ZNF516: variants seen among roughly 807,000 people sequenced by gnomAD.
The protein encoded by ZNF516 is zinc finger protein 516.
ZNF516 carries 19 observed loss-of-function variants against 79.7 expected under a neutral mutation model. That is an observed-to-expected ratio of 0.24 (90% CI 0.17 to 0.35). The LOEUF (loss-of-function observed/expected upper bound fraction) is 0.35, where lower values mean the gene tolerates loss of function less well. Among genes scored for constraint, ZNF516 ranks in the 10% least tolerant of loss-of-function variants. The pLI, the probability that ZNF516 is intolerant of heterozygous loss-of-function variation, is 1.00. For missense variants in ZNF516, 1,678 were observed against 1,679.5 expected (o/e 1.00, Z 0.02); for synonymous variants, 877 against 739.5 (o/e 1.19, Z -3.02).
At chr18:76,484,602 T>G (rs1164163329) in intron 1 of ZNF516, among the ~76,000 whole-genome samples, 2 of 152,174 alleles carry the variant, frequency 1.3e-5, no homozygotes, top group Admixed American at 1.3e-4. Context: ...CTTTCCAAAA[T>G]GGTCTACTAT....
intron 4 of ZNF516, among the ~76,000 whole-genome samples, chr18:76,375,294 T>G (rs755291683): frequency 3.3e-5 from 5 of 151,982 alleles, no homozygotes; most frequent in Non-Finnish European, 7.4e-5. Context: ...GTGAAGGTCC[T>G]GGACACCAGG....
intron 1 of ZNF516, among the ~76,000 whole-genome samples, chr18:76,472,199 T>A (rs910671036): frequency 2.6e-5 from 4 of 152,172 alleles, no homozygotes; most frequent in Admixed American, 2.6e-4. Flanking sequence ...TGAGGGACCC[T>A]CCACAACATC....
intron 1 of ZNF516, among the ~76,000 whole-genome samples, chr18:76,464,265 G>A (rs1291955487): frequency 1.3e-5 from 2 of 152,258 alleles, no homozygotes; most frequent in East Asian, 1.9e-4. Flanking sequence ...CCAGTCACTC[G>A]GGAGGCTGAG....
At chr18:76,367,690 T>C (rs572031282) in intron 6 of ZNF516, among the ~76,000 whole-genome samples, 1 of 152,320 alleles carries the variant, frequency 6.6e-6, no homozygotes, top group African/African-American at 2.4e-5. Context: ...CAGCGCTGCC[T>C]TGCTCTGCCC....
At chr18:76,395,206 C>A (rs1202854875) in intron 3 of ZNF516, among the ~76,000 whole-genome samples, 1 of 152,192 alleles carries the variant, frequency 6.6e-6, no homozygotes, top group African/African-American at 2.4e-5. Flanking sequence ...GGGTTTCCCA[C>A]ACAGGCACTC....
At chr18:76,450,723 C>G (rs532642915) in intron 2 of ZNF516, among the ~76,000 whole-genome samples, 2 of 152,270 alleles carry the variant, frequency 1.3e-5, no homozygotes, top group African/African-American at 4.8e-5. Context: ...TGCAGGTTTC[C>G]TCTTCCTTAT....
intron 3 of ZNF516, chr18:76,388,833 T>C (rs2075028546): frequency 6.6e-6 from 1 of 152,244 alleles, no homozygotes; most frequent in African/African-American, 2.4e-5. Context: ...AGAAGCATCC[T>C]CAGCAACAGC....
chr18:76,480,524 CAT>C (rs1555720224), intron 1 of ZNF516, among the ~76,000 whole-genome samples: 3 of 116,466 alleles, frequency 2.6e-5, no homozygotes, highest in African/African-American at 7.0e-5. Flanking sequence ...CACACACACA[CAT>C]ATATTTTTTT....
chr18:76,365,534 T>C (rs2074600105), intron 6 of ZNF516, among the ~76,000 whole-genome samples: 1 of 152,254 alleles, frequency 6.6e-6, no homozygotes, highest in African/African-American at 2.4e-5. Flanking sequence ...TTTCTAATGA[T>C]GAATGCTGAT....
intron 3 of ZNF516, among the ~76,000 whole-genome samples, chr18:76,416,835 T>C (rs1453845290): frequency 6.6e-6 from 1 of 152,172 alleles, no homozygotes. Context: ...TAAAAGAACA[T>C]ATCCTTCTTT....
chr18:76,473,546 A>G (rs756655844), intron 1 of ZNF516, among the ~76,000 whole-genome samples: 1 of 152,168 alleles, frequency 6.6e-6, no homozygotes, highest in Admixed American at 6.5e-5. Flanking sequence ...TCACGCCTGT[A>G]ATCACAGCAC....
intron 2 of ZNF516, among the ~76,000 whole-genome samples, chr18:76,460,003 C>T (rs1037039815): frequency 6.6e-6 from 1 of 152,196 alleles, no homozygotes; most frequent in African/African-American, 2.4e-5. Context: ...TATCAACATA[C>T]GCCAAGGAAT....
At position 76,401,417 on chromosome 18, in the gene ZNF516, C is replaced by T. The variant is rs371997579; in HGVS notation, c.1811-21114G>A. On this transcript the variant is annotated intron_variant, in intron 3 of 6. Coordinates refer to ENST00000443185, the MANE Select transcript of ZNF516 (RefSeq NM_014643.4). ...CAAAATAATATCTCTGCAACTGTTT[C>T]GCAGGAGCTCGTTGACCAAGCTGGA... is the stretch of plus-strand genomic sequence containing the variant. 6.6e-4 allele frequency among the ~76,000 whole-genome samples: 100 copies of T among 152,270 alleles called. No individual in the cohort carries two copies. The South Asian group carries it at 0.02, about 31-fold the overall frequency.
intron 1 of ZNF516, among the ~76,000 whole-genome samples, chr18:76,471,096 T>C (rs892315118): frequency 6.6e-6 from 1 of 152,206 alleles, no homozygotes; most frequent in African/African-American, 2.4e-5. Flanking sequence ...TGATTTACAG[T>C]ATTCCTCACC....
At chr18:76,422,366 T>C (rs1047003765) in intron 3 of ZNF516, among the ~76,000 whole-genome samples, 4 of 152,300 alleles carry the variant, frequency 2.6e-5, no homozygotes, top group Middle Eastern at 3.4e-3. Context: ...ATGATGACCA[T>C]GTACTCATAC....
intron 6 of ZNF516, among the ~76,000 whole-genome samples, chr18:76,366,920 T>C (rs1212236079): frequency 2.0e-5 from 3 of 152,168 alleles, no homozygotes; most frequent in African/African-American, 7.2e-5. Context: ...ATAGATTATA[T>C]TATCTGGGTC....
intron 3 of ZNF516, among the ~76,000 whole-genome samples, chr18:76,430,125 C>A (rs996948956): frequency 3.3e-5 from 5 of 152,340 alleles, no homozygotes; most frequent in South Asian, 2.1e-4. Context: ...AAGGTTCTTA[C>A]CAACACATCC....
chr18:76,441,809 A>G lies in ZNF516; in HGVS notation c.1246T>C (p.Tyr416His), dbSNP rs759367565. The G allele has an allele frequency of 1.3e-6, 2 of 1,563,126 alleles. No homozygotes were observed. The highest frequency in any genetic ancestry group is 2.4e-5 in the East Asian group (1 of 42,230). Residue 416 changes from tyrosine to histidine, a missense_variant, in exon 3 of 7, where the codon TAC (tyrosine) becomes CAC (histidine). Tyr to His is a moderately conservative substitution (Grantham distance 83). Transcript: ENST00000443185. ...RVAELDPVNS[Y>H]QAWQLATRGK... is the part of the protein sequence containing the mutation. ...CGCGTGGCCAGCTGCCAGGCCTGGT[A>G]GCTGTTGACCGGGTCCAGCTCAGCC...
At chr18:76,444,172 C>T (rs978346542) in intron 2 of ZNF516, among the ~76,000 whole-genome samples, 1 of 152,180 alleles carries the variant, frequency 6.6e-6, no homozygotes, top group Non-Finnish European at 1.5e-5. Context: ...AGCAGCAGAA[C>T]GATGAGCCAG....
Sources: gnomAD v4.1 joint callset for allele counts (sites outside exome capture counted in the v4.1 genomes callset) on GRCh38, gnomAD v4.1.1 for gene constraint, MANE v1.5 for transcripts, NCBI Gene and HGNC (gene_info 2026-07-23, HGNC 2026-07-21) for gene names.